Variants in CR1L observed in about 807,000 individuals in gnomAD.
The protein encoded by CR1L is complement component receptor 1-like protein.
A neutral mutation model predicts 62.3 loss-of-function variants in CR1L; 59 were observed. The ratio of observed to expected loss-of-function variants is 0.95; its 90% CI spans 0.77 to 1.18. The LOEUF (loss-of-function observed/expected upper bound fraction) is 1.18, where lower values mean the gene tolerates loss of function less well. Ranked by LOEUF, CR1L falls within the 50% of genes most tolerant of loss-of-function variation. The probability of loss-of-function intolerance (pLI) is 0.00; values close to 1 mark genes in which losing one functional copy is unlikely to be tolerated. For synonymous variants in CR1L, 279 were observed against 248.7 expected (o/e 1.12, Z -1.15); for missense variants, 700 against 702.8 (o/e 1.00, Z 0.04).
chr1:207,648,206 G>C (rs56306139), intron 1 of CR1L, among the ~76,000 whole-genome samples: 4,347 of 108,598 alleles, frequency 0.04, 314 homozygotes, highest in African/African-American at 0.14. Context: ...CACACACACA[G>C]ACACACACAC....
chr1:207,676,471 G>T (rs1296842211), intron 1 of CR1L, among the ~76,000 whole-genome samples: 1 of 152,076 alleles, frequency 6.6e-6, no homozygotes, highest in Non-Finnish European at 1.5e-5. Flanking sequence ...CTGTGCATAC[G>T]AGGGATCTAG....
In CR1L at chr1:207,697,772, G is replaced by A. The variant is rs747646746; in HGVS notation, c.1041G>A (p.Val347=). 9.9e-6 allele frequency: 16 copies of A among 1,613,822 alleles called. No homozygotes were observed. In the Middle Eastern group the frequency reaches 8.2e-4, roughly 83 times the overall value. The part of the protein sequence containing the change: ...DWSPAAPRCE[V]KSCDDFLGQL... ...CTGTTCGTTTTTCTTTTTTTCCAGT[G>A]AAATCCTGTGATGACTTCCTGGGCC... Residue 347 remains valine, a splice_region_variant and synonymous_variant, in exon 7 of 12, where the codon GTG becomes GTA. Transcript: ENST00000508064.
chr1:207,706,067 A>G (rs1343513646), intron 9 of CR1L, among the ~76,000 whole-genome samples: 1 of 148,788 alleles, frequency 6.7e-6, no homozygotes, highest in Non-Finnish European at 1.5e-5. Flanking sequence ...ATTGCAGAAA[A>G]TTAAAGCAAA....
rs1663713043 is a variant in CR1L at position 207,677,437 on chromosome 1, T to A, written c.146T>A (p.Leu49Gln). 4.4e-6 allele frequency: 7 copies of A among 1,600,446 alleles called. No homozygotes were observed. Among genetic ancestry groups the A allele is most frequent in the Non-Finnish European group, 6.0e-6 (7 of 1,171,676 alleles). Residue 49 changes from leucine to glutamine, a missense_variant, in exon 2 of 12, where the codon CTA (leucine) becomes CAA (glutamine). By Grantham distance (113) the Leu-to-Gln change is moderately radical. Transcript: ENST00000508064. ...CTTCCATTTGCCAGGCCTACCAACC[T>A]AACTGATGACTTTGAGTTTCCCATT... ...EWLPFARPTNLTDDFEFPIGT... is the reference protein window; with the variant it reads ...EWLPFARPTNQTDDFEFPIGT...
chr1:207,666,142 A>T (rs1466974156), intron 1 of CR1L, among the ~76,000 whole-genome samples: 3 of 152,156 alleles, frequency 2.0e-5, no homozygotes, highest in African/African-American at 7.2e-5. Flanking sequence ...TGATATTTAG[A>T]GTTACTCCGT....
intron 10 of CR1L, chr1:207,710,470 C>T (rs1664336880): frequency 6.2e-7 from 1 of 1,601,890 alleles, no homozygotes; most frequent in Admixed American, 1.7e-5. Flanking sequence ...CAGTGGTGAC[C>T]TACCACTGCA....
intron 4 of CR1L, among the ~76,000 whole-genome samples, chr1:207,692,760 T>G (rs1241078737): frequency 1.3e-5 from 2 of 151,340 alleles, no homozygotes; most frequent in Non-Finnish European, 3.0e-5. Flanking sequence ...AACCTCTTTG[T>G]GATCTTCAGG....
chr1:207,657,502 A>AC, intron 1 of CR1L: 1 of 420,274 alleles, frequency 2.4e-6, no homozygotes, highest in Non-Finnish European at 4.3e-6. Context: ...TCTATTTTTC[A>AC]CCCCCACATG....
chr1:207,706,943 G>A (rs1195416463), intron 9 of CR1L, among the ~76,000 whole-genome samples: 1 of 152,158 alleles, frequency 6.6e-6, no homozygotes, highest in Non-Finnish European at 1.5e-5. Flanking sequence ...ATCAATAGAA[G>A]TAGAAAATGT....
chr1:207,694,403 A>C lies in CR1L; in HGVS notation c.514A>C (p.Ile172Leu), dbSNP rs746481517. The C allele has an allele frequency of 1.3e-5, 21 of 1,614,012 alleles. 1 individual carries two copies. In the South Asian group the frequency reaches 2.3e-4, roughly 18 times the overall value. ...CATCGCCAATGGAGATTTCACTAGC[A>C]TCAGCAGAGAGTATTTTCACTATGG... ...PTIANGDFTS[I>L]SREYFHYGSV... Residue 172 changes from isoleucine (I) to leucine (L), a missense_variant, in exon 5 of 12, where the codon ATC (isoleucine) becomes CTC (leucine). Physicochemically the swap from Ile to Leu is conservative, Grantham distance 5. Transcript: ENST00000508064.
intron 10 of CR1L, among the ~76,000 whole-genome samples, chr1:207,716,774 C>A (rs980662466): frequency 6.6e-6 from 1 of 152,022 alleles, no homozygotes; most frequent in African/African-American, 2.4e-5. Flanking sequence ...CACATAATTC[C>A]GATAAACTTG....
At chr1:207,645,430 C>T (rs1663105007) in intron 1 of CR1L, 100 bp downstream of exon 1, 1 of 1,346,088 alleles carries the variant, frequency 7.4e-7, no homozygotes, top group South Asian at 1.2e-5. Flanking sequence ...CACGTCGTGC[C>T]TGCTTGGGAT....
rs866350332 is a variant in CR1L, at chr1:207,669,784, C to G, written c.98-7605C>G. Among the ~76,000 whole-genome samples the G allele has an allele frequency of 1.5e-4, 23 of 151,438 alleles. 5 individuals are homozygous for G. The highest frequency in any genetic ancestry group is 4.4e-4 in the African/African-American group (18 of 40,684). ...CCTCTAGGTAAGCGTGGAGTTCCCA[C>G]GTGCAGGGGCTTAAGTCGTGACGAG... On this transcript the variant is annotated intron_variant, in intron 1 of 11. Coordinates refer to ENST00000508064, the MANE Select transcript of CR1L (RefSeq NM_175710.2).
chr1:207,656,582 C>A (rs1354510642), intron 1 of CR1L, among the ~76,000 whole-genome samples: 2 of 152,200 alleles, frequency 1.3e-5, no homozygotes, highest in East Asian at 1.9e-4. Context: ...AAGCATGATG[C>A]TGGCATCTGC....
chr1:207,722,362 T>C (rs1162895151), intron 11 of CR1L, among the ~76,000 whole-genome samples: 2 of 122,152 alleles, frequency 1.6e-5, no homozygotes, highest in African/African-American at 3.0e-5. Flanking sequence ...CTTGAATTGA[T>C]TTTTGTATAA....
chr1:207,682,821 T>C (rs1489371748), intron 3 of CR1L, among the ~76,000 whole-genome samples: 1 of 152,188 alleles, frequency 6.6e-6, no homozygotes, highest in Non-Finnish European at 1.5e-5. Flanking sequence ...ATGTTATAAA[T>C]TCTTCCAAAT....
intron 1 of CR1L, chr1:207,656,976 G>T (rs938094423): frequency 1.2e-5 from 6 of 492,544 alleles, no homozygotes; most frequent in Admixed American, 7.2e-5. Flanking sequence ...TGATATATTT[G>T]CTCATAGAAA....
intron 1 of CR1L, chr1:207,655,386 T>C (rs548297480): frequency 2.0e-4 from 70 of 357,678 alleles, no homozygotes; most frequent in African/African-American, 1.4e-3. Flanking sequence ...CAAAGAGGTT[T>C]CTTTTATGTG....
intron 4 of CR1L, among the ~76,000 whole-genome samples, chr1:207,686,663 T>C (rs963826339): frequency 2.1e-4 from 32 of 152,256 alleles, no homozygotes; most frequent in African/African-American, 7.7e-4. Context: ...GTATAATTCA[T>C]GTATCATAAA....
Sources: allele counts gnomAD v4.1 joint callset (sites outside exome capture counted in the v4.1 genomes callset), GRCh38; gene constraint gnomAD v4.1.1; transcripts MANE v1.5; gene names NCBI Gene and HGNC (gene_info 2026-07-23, HGNC 2026-07-21).